The following SLC9A9 variants were observed in gnomAD, a reference collection of about 807,000 sequenced individuals.
The protein encoded by SLC9A9 is solute carrier family 9 member A9, also known as sodium/hydrogen exchanger 9.
Under a neutral mutation model 77.8 loss-of-function variants are expected in SLC9A9, and 62 were observed. That is an observed-to-expected ratio of 0.80 (90% confidence interval 0.65 to 0.98). The LOEUF is 0.98. Ranked by LOEUF, SLC9A9 falls within the 50% of genes least tolerant of loss-of-function variation. The pLI is 0.00. For synonymous variants in SLC9A9, 320 were observed against 283.5 expected (o/e 1.13, Z -1.29); for missense variants, 775 against 774.9 (o/e 1.00, Z 0.00).
At chr3:143,280,882 A>T (rs1411287370) in intron 14 of SLC9A9, among the ~76,000 whole-genome samples, 1 of 152,174 alleles carries the variant, frequency 6.6e-6, no homozygotes, top group South Asian at 2.1e-4. Flanking sequence ...GTTACTTAGT[A>T]CATGCCTCAA....
chr3:143,623,708 G>A (rs1197308557), intron 6 of SLC9A9, among the ~76,000 whole-genome samples: 1 of 152,132 alleles, frequency 6.6e-6, no homozygotes, highest in Non-Finnish European at 1.5e-5. Flanking sequence ...AAAAGAACTA[G>A]AGAAGCAAGA....
intron 5 of SLC9A9, among the ~76,000 whole-genome samples, chr3:143,673,220 C>G (rs2039186960): frequency 6.6e-6 from 1 of 152,130 alleles, no homozygotes; most frequent in Admixed American, 6.5e-5. Flanking sequence ...GTGCTTCTAT[C>G]TGATTATGGC....
chr3:143,299,843 T>C (rs1056589603), intron 14 of SLC9A9, among the ~76,000 whole-genome samples: 1 of 152,318 alleles, frequency 6.6e-6, no homozygotes, highest in Middle Eastern at 3.4e-3. Context: ...ATGCAGGCAG[T>C]TGGGACCCCT....
At chr3:143,652,810 C>CACACACACAT (rs113827008) in intron 5 of SLC9A9, among the ~76,000 whole-genome samples, 20,636 of 148,008 alleles carry the variant, frequency 0.14, 1,740 homozygotes, top group Non-Finnish European at 0.19. Flanking sequence ...CACACACACA[C>CACACACACAT]ACTTCTTGCT....
At chr3:143,667,113 G>A (rs2039081871) in intron 5 of SLC9A9, among the ~76,000 whole-genome samples, 3 of 152,160 alleles carry the variant, frequency 2.0e-5, no homozygotes, top group African/African-American at 7.2e-5. Context: ...AAAACAGCAT[G>A]GTACTGGTAC....
intron 6 of SLC9A9, among the ~76,000 whole-genome samples, chr3:143,637,077 C>T (rs142418411): frequency 6.6e-6 from 1 of 152,304 alleles, no homozygotes; most frequent in East Asian, 1.9e-4. Context: ...CATGAAAAAA[C>T]AGTGTTGTAA....
At chr3:143,403,996 G>A (rs973992520) in intron 12 of SLC9A9, among the ~76,000 whole-genome samples, 1 of 151,412 alleles carries the variant, frequency 6.6e-6, no homozygotes, top group African/African-American at 2.4e-5. Flanking sequence ...CTAATTATCC[G>A]CTCATTTTTT....
intron 4 of SLC9A9, among the ~76,000 whole-genome samples, chr3:143,744,868 A>T (rs1393699085): frequency 6.6e-6 from 1 of 152,220 alleles, no homozygotes; most frequent in Non-Finnish European, 1.5e-5. Context: ...TTAATGAGGC[A>T]GGCATGAGAT....
intron 5 of SLC9A9, among the ~76,000 whole-genome samples, chr3:143,689,657 AC>A (rs1204332869): frequency 5.6e-5 from 8 of 142,244 alleles, no homozygotes; most frequent in Non-Finnish European, 9.2e-5. Flanking sequence ...TGATCCTCTC[AC>A]CTTGGCCTCA....
At chr3:143,306,621 C>T (rs1334701307) in intron 14 of SLC9A9, among the ~76,000 whole-genome samples, 4 of 152,148 alleles carry the variant, frequency 2.6e-5, no homozygotes, top group African/African-American at 9.7e-5. Flanking sequence ...TCAATAAATG[C>T]CTGTTAAACA....
At chr3:143,458,190 C>G (rs533957176) in intron 12 of SLC9A9, among the ~76,000 whole-genome samples, 1 of 152,082 alleles carries the variant, frequency 6.6e-6, no homozygotes, top group Admixed American at 6.5e-5. Context: ...GTAATTCCCT[C>G]TTTAATCCTT....
At chr3:143,374,872 T>C (rs923681092) in intron 13 of SLC9A9, among the ~76,000 whole-genome samples, 1 of 152,192 alleles carries the variant, frequency 6.6e-6, no homozygotes, top group African/African-American at 2.4e-5. Flanking sequence ...GTAGGTCTTA[T>C]TCATCTTTTC....
At chr3:143,846,470 G>T (rs1360895396) in intron 1 of SLC9A9, among the ~76,000 whole-genome samples, 1 of 152,116 alleles carries the variant, frequency 6.6e-6, no homozygotes, top group Admixed American at 6.6e-5. Context: ...ACATCTGATG[G>T]CATCCCCTCC....
intron 6 of SLC9A9, among the ~76,000 whole-genome samples, chr3:143,643,130 G>GT (rs1250558029): frequency 6.6e-6 from 1 of 152,016 alleles, no homozygotes; most frequent in South Asian, 2.1e-4. Flanking sequence ...AAAAGATTCT[G>GT]TTTTTTAAGT....
chr3:143,284,547 G>A (rs982116252), intron 14 of SLC9A9, among the ~76,000 whole-genome samples: 3 of 151,718 alleles, frequency 2.0e-5, no homozygotes, highest in Non-Finnish European at 4.4e-5. Flanking sequence ...CACTACTACC[G>A]TAGTGGCCAT....
Position 143,684,904 on chromosome 3 carries a change from G to T in SLC9A9, c.649+8288C>A, listed in dbSNP as rs138216953. On this transcript the variant is annotated intron_variant, in intron 5 of 15. Coordinates refer to ENST00000316549, the MANE Select transcript of SLC9A9 (RefSeq NM_173653.4). Reference sequence around the variant, plus strand: ...TAATTCAATCTCATAAAAATAAATCGCCTATATTTTACCAAATGGTATAAT... The same window carrying T: ...TAATTCAATCTCATAAAAATAAATCTCCTATATTTTACCAAATGGTATAAT... 1.7e-4 allele frequency among the ~76,000 whole-genome samples: 26 copies of T among 152,022 alleles called. No homozygotes were observed. The East Asian group carries it at 4.1e-3, about 24-fold the overall frequency.
At chr3:143,437,580 G>A (rs1237439703) in intron 12 of SLC9A9, among the ~76,000 whole-genome samples, 3 of 152,228 alleles carry the variant, frequency 2.0e-5, no homozygotes, top group East Asian at 1.9e-4. Flanking sequence ...AACGTTAGAG[G>A]CCCGAGGCCG....
rs552142403 is a variant in SLC9A9, at chr3:143,425,983, T to A, written c.1469+41054A>T. The stretch of plus-strand genomic sequence containing the variant: ...AAAGAGCCACAATGGCTTTTTTTTT[T>A]TTTCCTAAAAAGACAGAATTTTTGA... On this transcript the variant is annotated intron_variant, in intron 12 of 15. Coordinates refer to ENST00000316549, the MANE Select transcript of SLC9A9 (RefSeq NM_173653.4). 5.3e-5 allele frequency among the ~76,000 whole-genome samples: 8 copies of A among 151,950 alleles called. No homozygotes were observed. In the South Asian group the frequency reaches 1.5e-3, roughly 28 times the overall value.
intron 4 of SLC9A9, among the ~76,000 whole-genome samples, chr3:143,707,024 G>A (rs536914662): frequency 1.6e-4 from 24 of 152,264 alleles, no homozygotes; most frequent in African/African-American, 5.5e-4. Flanking sequence ...GGAGAGCAAT[G>A]CAGGGAAGGT....
Sources: allele counts gnomAD v4.1 joint callset (sites outside exome capture counted in the v4.1 genomes callset), GRCh38; gene constraint gnomAD v4.1.1; transcripts MANE v1.5; gene names NCBI Gene and HGNC (gene_info 2026-07-23, HGNC 2026-07-21).